Variants in GPHN observed in about 807,000 individuals in gnomAD.
The protein encoded by GPHN is gephyrin.
GPHN carries 17 observed loss-of-function variants against 95.5 expected under a neutral mutation model. That is an observed-to-expected ratio of 0.18 (90% CI 0.12 to 0.27). The LOEUF is 0.27. Ranked by LOEUF, GPHN falls within the 10% of genes least tolerant of loss-of-function variation. The pLI is 1.00. For synonymous variants in GPHN, 320 were observed against 322.5 expected, an observed-to-expected ratio of 0.99 and a Z score of 0.08; for missense variants, 660 against 978.1, an observed-to-expected ratio of 0.67 and a Z score of 4.34.
chr14:67,439,874 G>A, the GPHN span, among the ~76,000 whole-genome samples: 1 of 151,790 alleles, frequency 6.6e-6, no homozygotes, highest in Non-Finnish European at 1.5e-5. Context: ...GTCTCACTCT[G>A]TCCACCCAGG....
the GPHN span, among the ~76,000 whole-genome samples, chr14:67,462,706 A>T: frequency 4.6e-5 from 7 of 152,254 alleles, no homozygotes; most frequent in African/African-American, 1.7e-4. Context: ...AAGGCTGAAG[A>T]GCAAACTAAG....
intron 1 of GPHN, among the ~76,000 whole-genome samples, chr14:66,617,070 T>C (rs532874110): frequency 2.6e-5 from 4 of 152,250 alleles, no homozygotes; most frequent in African/African-American, 7.2e-5. Context: ...TATGCTTTAC[T>C]TGGGGGAAGC....
intron 1 of GPHN, among the ~76,000 whole-genome samples, chr14:66,553,974 C>T (rs1174060498): frequency 6.6e-6 from 1 of 152,096 alleles, no homozygotes; most frequent in Non-Finnish European, 1.5e-5. Context: ...TGATTTTTAA[C>T]GTGATAGTTT....
the GPHN span, among the ~76,000 whole-genome samples, chr14:67,609,175 G>A: frequency 6.6e-6 from 1 of 152,030 alleles, no homozygotes; most frequent in Non-Finnish European, 1.5e-5. Flanking sequence ...CACTGTTCTC[G>A]GTGTCTTTTT....
chr14:66,942,785 G>T (rs1212857247), intron 8 of GPHN, among the ~76,000 whole-genome samples: 1 of 152,078 alleles, frequency 6.6e-6, no homozygotes, highest in East Asian at 1.9e-4. Flanking sequence ...TGCCCCAGGG[G>T]ACCTCTGTAG....
chr14:67,018,258 T>C (rs2073418465), intron 9 of GPHN, among the ~76,000 whole-genome samples: 4 of 152,178 alleles, frequency 2.6e-5, no homozygotes, highest in Admixed American at 2.6e-4. Context: ...CTTTTAATAC[T>C]TTTATACTTA....
chr14:67,319,268 C>T, the GPHN span, among the ~76,000 whole-genome samples: 2 of 152,132 alleles, frequency 1.3e-5, no homozygotes, highest in Non-Finnish European at 2.9e-5. Flanking sequence ...TGCTCCTTCA[C>T]AGTCAGGAGA....
the GPHN span, among the ~76,000 whole-genome samples, chr14:67,225,962 T>TGTGTGTGTGTGTGTGC: frequency 6.5e-3 from 738 of 113,430 alleles, 5 homozygotes; most frequent in Non-Finnish European, 7.9e-3. Context: ...TGTGTGTGTG[T>TGTGTGTGTGTGTGTGC]GCGCGCGCGC....
intron 4 of GPHN, among the ~76,000 whole-genome samples, chr14:66,844,828 A>G (rs963874308): frequency 5.3e-5 from 8 of 152,054 alleles, no homozygotes; most frequent in Admixed American, 5.2e-4. Flanking sequence ...TGTTTCTAGA[A>G]CTTTTATCAT....
chr14:67,698,964 A>G, the GPHN span, among the ~76,000 whole-genome samples: 2 of 152,138 alleles, frequency 1.3e-5, no homozygotes, highest in African/African-American at 4.8e-5. Flanking sequence ...TAAAGAAGAT[A>G]AAAGGGCCAG....
chr14:66,619,884 A>G (rs2063216947), intron 1 of GPHN, among the ~76,000 whole-genome samples: 1 of 152,138 alleles, frequency 6.6e-6, no homozygotes, highest in African/African-American at 2.4e-5. Flanking sequence ...GCTTTTGTGT[A>G]GTTTTGGGGA....
At chr14:67,183,384 A>C (rs2083349541), downstream of GPHN, among the ~76,000 whole-genome samples, 1 of 152,098 alleles carries the variant, frequency 6.6e-6, no homozygotes. Flanking sequence ...TGTCCTAAAC[A>C]CTTTACATAT....
At chr14:67,086,177 A>G (rs137927541) in intron 11 of GPHN, among the ~76,000 whole-genome samples, 200 of 152,340 alleles carry the variant, frequency 1.3e-3, no homozygotes, top group African/African-American at 4.5e-3. Context: ...GTGTACAGAT[A>G]CGTGTTCAAT....
At chr14:67,063,416 C>A (rs555135875) in intron 11 of GPHN, among the ~76,000 whole-genome samples, 297 of 152,280 alleles carry the variant, frequency 2.0e-3, no homozygotes, top group African/African-American at 6.6e-3. Flanking sequence ...GCAATGAGAG[C>A]TCTTTTTTGG....
the GPHN span, chr14:67,647,247 GA>G: frequency 2.3e-6 from 1 of 435,524 alleles, no homozygotes; most frequent in Non-Finnish European, 4.1e-6. Flanking sequence ...TCTGTCTCAT[GA>G]ATTTTTCTTT....
intron 10 of GPHN, among the ~76,000 whole-genome samples, chr14:67,043,843 C>T (rs887497450): frequency 2.0e-5 from 3 of 152,146 alleles, no homozygotes; most frequent in African/African-American, 7.2e-5. Flanking sequence ...AGCTATTAAT[C>T]CATCTGGTCC....
the GPHN span, among the ~76,000 whole-genome samples, chr14:67,229,438 A>G: frequency 0.047 from 7,112 of 152,310 alleles, 188 homozygotes; most frequent in Non-Finnish European, 0.054. Context: ...GAGCACCTGC[A>G]ATGTAGCTAG....
At chr14:67,035,672 T>C (rs2074387350) in intron 10 of GPHN, among the ~76,000 whole-genome samples, 1 of 151,846 alleles carries the variant, frequency 6.6e-6, no homozygotes, top group East Asian at 1.9e-4. Flanking sequence ...TCAGTCACAG[T>C]CTTGGTGACT....
chr14:66,809,131 G>A (rs2060662032), intron 3 of GPHN, among the ~76,000 whole-genome samples: 1 of 152,146 alleles, frequency 6.6e-6, no homozygotes, highest in Admixed American at 6.5e-5. Context: ...TTTCAGATTT[G>A]TTTCAGGGGA....
Sources: gnomAD v4.1 joint callset for allele counts (sites outside exome capture counted in the v4.1 genomes callset) on GRCh38, gnomAD v4.1.1 for gene constraint, MANE v1.5 for transcripts, NCBI Gene and HGNC (gene_info 2026-07-23, HGNC 2026-07-21) for gene names.